The following DNAAF9 variants were observed in gnomAD, a reference collection of about 807,000 sequenced individuals.
DNAAF9 encodes dynein axonemal assembly factor 9.
Under a neutral mutation model 167.0 loss-of-function variants are expected in DNAAF9, and 90 were observed. The observed-to-expected ratio is 0.54, with a 90% confidence interval of 0.45 to 0.64. The LOEUF is 0.64. Ranked by LOEUF, DNAAF9 falls within the 30% of genes least tolerant of loss-of-function variation. The probability of loss-of-function intolerance (pLI) is 0.00; values close to 1 mark genes in which losing one functional copy is unlikely to be tolerated. For missense variants in DNAAF9, 1,315 were observed against 1,442.2 expected, an observed-to-expected ratio of 0.91 and a Z score of 1.43; for synonymous variants, 491 against 508.8, an observed-to-expected ratio of 0.96 and a Z score of 0.47.
chr20:3,272,360 G>A (rs948440005), intron 29 of DNAAF9, among the ~76,000 whole-genome samples: 5 of 152,174 alleles, frequency 3.3e-5, no homozygotes, highest in African/African-American at 1.2e-4. Context: ...GTGTAGCTGG[G>A]ACCACAGGTG....
chr20:3,309,778 C>CATTA (rs1014668717), intron 20 of DNAAF9, among the ~76,000 whole-genome samples: 7 of 151,990 alleles, frequency 4.6e-5, no homozygotes, highest in Non-Finnish European at 1.0e-4. Context: ...ATCCTGATTA[C>CATTA]ATTAAAACTA....
At position 3,268,897 on chromosome 20, in the gene DNAAF9, C is replaced by CTTTTTTTTTTTTTTTTTTTTTTTTTTT. The variant is rs386393120; in HGVS notation, c.2786+1529_2786+1530insAAAAAAAAAAAAAAAAAAAAAAAAAAA. Among the ~76,000 whole-genome samples the CTTTTTTTTTTTTTTTTTTTTTTTTTTT allele has an allele frequency of 5.5e-4, 47 of 85,838 alleles. 7 individuals are homozygous for CTTTTTTTTTTTTTTTTTTTTTTTTTTT. The highest frequency in any genetic ancestry group is 9.0e-4 in the Non-Finnish European group (42 of 46,582). 56.3% of individuals were successfully genotyped at this position (85,838 alleles called of 152,430 possible). The stretch of plus-strand genomic sequence containing the variant: ...GTAAAGAGATAATATCTCTATGTTA[C>CTTTTTTTTTTTTTTTTTTTTTTTTTTT]TTTTTTTTTTTTTTTTTTTTTTTTG... On this transcript the variant is annotated intron_variant, in intron 30 of 36. Coordinates refer to ENST00000252032, the MANE Select transcript of DNAAF9 (RefSeq NM_001009984.3).
intron 6 of DNAAF9, among the ~76,000 whole-genome samples, chr20:3,363,198 T>C (rs1414813282): frequency 1.2e-4 from 16 of 136,172 alleles, no homozygotes; most frequent in South Asian, 2.3e-4. Flanking sequence ...CATTGCTCTC[T>C]GGCCTGGGTG....
In DNAAF9 at chr20:3,375,191, T is replaced by G. The variant is rs989443516; in HGVS notation, c.409-65A>C. ...ATATCACACAAATTCCCATATTTTC[T>G]CTGCATTTTGTCAACCAGAGTTGTC... On this transcript the variant is annotated intron_variant, in intron 4 of 36. Coordinates refer to ENST00000252032, the MANE Select transcript of DNAAF9 (RefSeq NM_001009984.3). 10 of 1,029,978 alleles carry G rather than the reference T, an allele frequency of 9.7e-6. No homozygotes were observed. In the African/African-American group the frequency reaches 1.3e-4, roughly 13 times the overall value. The allele number at this position is 1,029,978 out of a possible 1,614,324, so 63.8% of individuals were successfully genotyped here.
At position 3,288,632 on chromosome 20, in the gene DNAAF9, A is replaced by G. The variant is rs559898481; in HGVS notation, c.2328-842T>C. 1.2e-4 allele frequency among the ~76,000 whole-genome samples: 19 copies of G among 152,304 alleles called. 1 individual carries two copies. In the South Asian group the frequency reaches 3.7e-3, roughly 30 times the overall value. On this transcript the variant is annotated intron_variant, in intron 26 of 36. Coordinates refer to ENST00000252032, the MANE Select transcript of DNAAF9 (RefSeq NM_001009984.3). Reference sequence around the variant, plus strand: ...TCCCATCCTAAACTGCCGACTCTCTATGCAATTTCAGGCTTCCAAATTTCT... The same window carrying G: ...TCCCATCCTAAACTGCCGACTCTCTGTGCAATTTCAGGCTTCCAAATTTCT...
At chr20:3,287,138 AC>A (rs2068865832) in intron 27 of DNAAF9, among the ~76,000 whole-genome samples, 1 of 152,330 alleles carries the variant, frequency 6.6e-6, no homozygotes, top group Non-Finnish European at 1.5e-5. Context: ...AGTTCTGCAC[AC>A]AGCCATGAAA....
chr20:3,393,259 C>T (rs770950676), intron 1 of DNAAF9, among the ~76,000 whole-genome samples: 29 of 152,118 alleles, frequency 1.9e-4, no homozygotes, highest in Admixed American at 5.9e-4. Flanking sequence ...CTCACTGCAA[C>T]CTCCGCCTCC....
At chr20:3,388,888 T>C (rs947391432) in intron 1 of DNAAF9, among the ~76,000 whole-genome samples, 3 of 151,550 alleles carry the variant, frequency 2.0e-5, no homozygotes, top group Admixed American at 6.6e-5. Context: ...AGTTTAACAA[T>C]GTGAATGTCC....
chr20:3,319,082 C>CAAAAAAAAAAAAA (rs71195834), intron 16 of DNAAF9, among the ~76,000 whole-genome samples: 25 of 71,122 alleles, frequency 3.5e-4, no homozygotes, highest in Non-Finnish European at 4.7e-4. Context: ...GACTCTGTCT[C>CAAAAAAAAAAAAA]AAAAAAAAAA....
chr20:3,365,087 C>T (rs2083413000), intron 6 of DNAAF9, among the ~76,000 whole-genome samples: 4 of 152,100 alleles, frequency 2.6e-5, no homozygotes, highest in Admixed American at 2.6e-4. Flanking sequence ...CCTCCTGCCT[C>T]AGCCTCCAGA....
chr20:3,367,561 T>C (rs2083446503), intron 6 of DNAAF9, among the ~76,000 whole-genome samples: 2 of 152,092 alleles, frequency 1.3e-5, no homozygotes, highest in South Asian at 4.2e-4. Context: ...TTGGCCATTG[T>C]AGGGTTATTA....
chr20:3,323,278 T>C (rs2069651404), intron 14 of DNAAF9, among the ~76,000 whole-genome samples: 3 of 105,166 alleles, frequency 2.9e-5, no homozygotes, highest in African/African-American at 7.3e-5. Context: ...AGTAATCTTT[T>C]TTTTTTTTTT....
In DNAAF9 at chr20:3,251,695, G is replaced by C. The variant is rs1050985314; in HGVS notation, c.*877C>G. 2.0e-5 allele frequency: 3 copies of C among 152,418 alleles called. No individual in the cohort carries two copies. Among genetic ancestry groups the C allele is most frequent in the African/African-American group, 7.2e-5 (3 of 41,576 alleles). 9.4% of individuals were successfully genotyped at this position (152,418 alleles called of 1,614,324 possible). ...CTTGGCAAGGCTTGTGGGAGCGCTG[G>C]GTGCTGGAGACTGACCCCACAAGTG... On this transcript the variant is annotated 3_prime_UTR_variant, in exon 37 of 37. Transcript: ENST00000252032.
chr20:3,296,271 C>A, intron 23 of DNAAF9: 1 of 423,096 alleles, frequency 2.4e-6, no homozygotes, highest in South Asian at 1.8e-5. Context: ...ACTGGGCGCC[C>A]CCCAAGACAG....
Position 3,407,542 on chromosome 20 carries a change from G to T in DNAAF9, c.16C>A (p.Pro6Thr), listed in dbSNP as rs1223609168. The change falls in exon 1 of 37, where the codon CCG (proline) becomes ACG (threonine). Residue 6 changes from proline (P) to threonine (T), a missense_variant. This residue lies in a region of DNAAF9 where 981 missense variants were observed against 1,012.5 expected (regional missense o/e 0.97). Transcript: ENST00000252032. ...GCGCGGGGCAGCCCCTGCCGGCGCG[G>T]GGGGTACACGTCCATGGCGGCGGAC... MDVYP[P>T]RRQGLPRARS... 1.6e-6 allele frequency: 2 copies of T among 1,256,066 alleles called. No homozygotes were observed. The highest frequency in any genetic ancestry group is 8.5e-5 in the Admixed American group (2 of 23,586). 77.8% of individuals were successfully genotyped at this position (1,256,066 alleles called of 1,614,324 possible).
chr20:3,319,123 C>T (rs2069564881), intron 16 of DNAAF9, among the ~76,000 whole-genome samples: 1 of 146,298 alleles, frequency 6.8e-6, no homozygotes, highest in Admixed American at 6.9e-5. Flanking sequence ...AATAGCCAGG[C>T]ATGGTGGCGT....
Position 3,311,433 on chromosome 20 carries a change from A to G in DNAAF9, c.1678+3600T>C, listed in dbSNP as rs186154005. ...TGGCTAATTTAAAAAATTCTTTTGT[A>G]GAAACAAGAGTCTCACTCTGTTGCC... is the stretch of plus-strand genomic sequence containing the variant. On this transcript the variant is annotated intron_variant, in intron 20 of 36. Coordinates refer to ENST00000252032, the MANE Select transcript of DNAAF9 (RefSeq NM_001009984.3). 2.3e-3 allele frequency among the ~76,000 whole-genome samples: 351 copies of G among 152,170 alleles called. 3 individuals are homozygous for G. The highest frequency in any genetic ancestry group is 0.01 in the East Asian group (52 of 5,174).
rs1163628529 is a variant in DNAAF9 at position 3,375,012 on chromosome 20, T to C, written c.505+18A>G. 3 of 1,395,602 alleles carry C rather than the reference T, an allele frequency of 2.1e-6. No individual in the cohort carries two copies. Among genetic ancestry groups the C allele is most frequent in the Admixed American group, 1.7e-5 (1 of 59,388 alleles). 86.5% of individuals were successfully genotyped at this position (1,395,602 alleles called of 1,614,324 possible). A position where few individuals can be genotyped will look rare whatever the true frequency, so the allele number is the denominator to read the frequency against. On this transcript the variant is annotated intron_variant, in intron 5 of 36. Coordinates refer to ENST00000252032, the MANE Select transcript of DNAAF9 (RefSeq NM_001009984.3). ...CCACCTAAGCAAGGTTCTAGAAGGC[T>C]TGCTGTCAGATACTCACCTTGGGAG...
chr20:3,264,279 G>GC (rs1038025332), intron 31 of DNAAF9, among the ~76,000 whole-genome samples, 159 bp downstream of exon 31: 1 of 152,216 alleles, frequency 6.6e-6, no homozygotes, highest in African/African-American at 2.4e-5. Context: ...TCCTGGCAAG[G>GC]CCAGCAGCTG....
Sources: allele counts gnomAD v4.1 joint callset (sites outside exome capture counted in the v4.1 genomes callset), GRCh38; gene constraint gnomAD v4.1.1; regional missense constraint gnomAD v4.1.1; transcripts MANE v1.5; gene names NCBI Gene and HGNC (gene_info 2026-07-23, HGNC 2026-07-21).